The following RAD51B variants were observed in gnomAD, a reference collection of about 807,000 sequenced individuals.
RAD51B encodes RAD51 paralog B.
A neutral mutation model predicts 42.2 loss-of-function variants in RAD51B; 38 were observed. That is an observed-to-expected ratio of 0.90 (90% CI 0.70 to 1.18). The LOEUF (loss-of-function observed/expected upper bound fraction) is 1.18, where lower values mean the gene tolerates loss of function less well. Among genes scored for constraint, RAD51B ranks in the 50% most tolerant of loss-of-function variants. The probability of loss-of-function intolerance (pLI) is 0.00; values close to 1 mark genes in which losing one functional copy is unlikely to be tolerated. For synonymous variants in RAD51B, 154 were observed against 145.2 expected (o/e 1.06, Z -0.43); for missense variants, 373 against 400.7 (o/e 0.93, Z 0.59).
intron 3 of RAD51B, among the ~76,000 whole-genome samples, chr14:67,833,613 T>A (rs1461615741): frequency 1.3e-5 from 2 of 152,168 alleles, no homozygotes; most frequent in Non-Finnish European, 2.9e-5. Context: ...GGCAAAGGGA[T>A]GATTCACATC....
intron 7 of RAD51B, among the ~76,000 whole-genome samples, chr14:68,041,869 T>G (rs1439765199): frequency 6.6e-6 from 1 of 152,206 alleles, no homozygotes; most frequent in African/African-American, 2.4e-5. Flanking sequence ...CATTCTACCT[T>G]GCAGCCATCT....
At chr14:67,870,947 G>A (rs2042507715) in intron 5 of RAD51B, among the ~76,000 whole-genome samples, 1 of 145,956 alleles carries the variant, frequency 6.9e-6, no homozygotes, top group South Asian at 2.2e-4. Flanking sequence ...GTGTGTAGAG[G>A]GAAATTTATA....
Position 68,143,930 on chromosome 14 carries a change from C to T in RAD51B, c.757-147954C>T, listed in dbSNP as rs1303657864. Among the ~76,000 whole-genome samples the T allele has an allele frequency of 3.3e-5, 5 of 152,144 alleles. No homozygotes were observed. The East Asian group carries it at 9.6e-4, about 29-fold the overall frequency. ...CTGATGGCTTTATTTTTTTCTCCCT[C>T]CCTTCATCTTCAGGGATTTTTTTTT... On this transcript the variant is annotated intron_variant, in intron 7 of 10. Transcript: ENST00000471583.
chr14:68,649,179 G>A (rs976094323), intron 10 of RAD51B, among the ~76,000 whole-genome samples: 3 of 152,280 alleles, frequency 2.0e-5, no homozygotes, highest in East Asian at 1.9e-4. Context: ...TCCAAGCTCC[G>A]AGCTCTGAGC....
chr14:68,348,878 G>A (rs1411089252), intron 8 of RAD51B, among the ~76,000 whole-genome samples: 3 of 152,192 alleles, frequency 2.0e-5, no homozygotes, highest in East Asian at 3.8e-4. Context: ...CAGCCTGGGC[G>A]ATACTGACTT....
intron 8 of RAD51B, among the ~76,000 whole-genome samples, chr14:68,307,937 T>C (rs1051128997): frequency 3.3e-5 from 5 of 152,238 alleles, no homozygotes; most frequent in African/African-American, 1.2e-4. Context: ...ACTGTTGTTC[T>C]TGCAACACAA....
intron 7 of RAD51B, among the ~76,000 whole-genome samples, chr14:68,228,544 A>AT (rs1388385777): frequency 5.9e-5 from 9 of 151,638 alleles, no homozygotes; most frequent in South Asian, 2.1e-4. Flanking sequence ...AACATCTTTG[A>AT]TTTTTTTTTA....
rs541201817 is a variant in RAD51B at position 68,352,434 on chromosome 14, C to T, written c.854-58990C>T. The stretch of plus-strand genomic sequence containing the variant: ...AGAAACATGTCTGCTAACTCTTCCA[C>T]CTTACCAATAGGTGGATTCCAAGAG... On this transcript the variant is annotated intron_variant, in intron 8 of 10. Coordinates refer to ENST00000471583, the MANE Select transcript of RAD51B (RefSeq NM_133510.4). Among the ~76,000 whole-genome samples, 5 of 152,348 alleles carry T rather than the reference C, an allele frequency of 3.3e-5. No individual in the cohort carries two copies. In the South Asian group the frequency reaches 1.0e-3, roughly 32 times the overall value.
chr14:68,253,893 A>G (rs7155764), intron 7 of RAD51B, among the ~76,000 whole-genome samples: 30,476 of 152,210 alleles, frequency 0.2, 3,528 homozygotes, highest in Middle Eastern at 0.37. Context: ...TTGGCCTCAA[A>G]TATTATCCTG....
At chr14:68,423,945 T>G (rs1412745873) in intron 9 of RAD51B, among the ~76,000 whole-genome samples, 2 of 152,240 alleles carry the variant, frequency 1.3e-5, no homozygotes, top group Non-Finnish European at 2.9e-5. Flanking sequence ...GTTCTGGTTC[T>G]TCTTCTCTGT....
At chr14:67,968,053 C>T (rs1295202644) in intron 7 of RAD51B, among the ~76,000 whole-genome samples, 10 of 152,252 alleles carry the variant, frequency 6.6e-5, no homozygotes, top group African/African-American at 2.4e-4. Context: ...CCTGCAGGCT[C>T]AACACCACAT....
At chr14:68,389,781 A>C (rs1371940424) in intron 8 of RAD51B, among the ~76,000 whole-genome samples, 2 of 152,216 alleles carry the variant, frequency 1.3e-5, no homozygotes, top group African/African-American at 2.4e-5. Flanking sequence ...TGTAGATTTG[A>C]TCCGTCTCAG....
chr14:68,046,912 A>T (rs949397214), intron 7 of RAD51B, among the ~76,000 whole-genome samples: 5 of 152,138 alleles, frequency 3.3e-5, no homozygotes, highest in African/African-American at 1.2e-4. Flanking sequence ...ATATATTTTT[A>T]AAAATGATTG....
chr14:68,047,177 A>C (rs1452215205), intron 7 of RAD51B, among the ~76,000 whole-genome samples: 2 of 152,116 alleles, frequency 1.3e-5, no homozygotes, highest in Non-Finnish European at 2.9e-5. Flanking sequence ...CTGTTCTTTA[A>C]CACCAGAAAG....
rs138202371 is a variant in RAD51B, at chr14:67,902,129, T to C, written c.756+14925T>C. 1.2e-3 allele frequency among the ~76,000 whole-genome samples: 178 copies of C among 152,282 alleles called. 1 individual carries two copies. The highest frequency in any genetic ancestry group is 4.0e-3 in the African/African-American group (167 of 41,562). On this transcript the variant is annotated intron_variant, in intron 7 of 10. Coordinates refer to ENST00000471583, the MANE Select transcript of RAD51B (RefSeq NM_133510.4). ...AGCTGTGCAATCCTGGACGAGTCAG[T>C]TCTCATTTCTGAGCCTCAGTATCCC...
At chr14:68,000,774 C>T (rs538202141) in intron 7 of RAD51B, among the ~76,000 whole-genome samples, 6 of 152,136 alleles carry the variant, frequency 3.9e-5, no homozygotes, top group Admixed American at 2.0e-4. Context: ...ATGAGAAAAG[C>T]AAAAATCAGA....
intron 10 of RAD51B, among the ~76,000 whole-genome samples, chr14:68,634,410 C>T (rs532841441): frequency 2.2e-4 from 34 of 152,308 alleles, no homozygotes; most frequent in African/African-American, 7.7e-4. Flanking sequence ...TGTGCAAGAA[C>T]GGCAATGCCA....
intron 7 of RAD51B, among the ~76,000 whole-genome samples, chr14:68,096,679 T>C (rs1381312080): frequency 2.0e-5 from 3 of 152,208 alleles, no homozygotes; most frequent in African/African-American, 7.2e-5. Flanking sequence ...GAAACAACGA[T>C]TCATGTTTTT....
intron 10 of RAD51B, chr14:68,563,804 G>C (rs1889277749): frequency 1.0e-6 from 1 of 985,024 alleles, no homozygotes; most frequent in Non-Finnish European, 1.2e-6. Context: ...CGACAGCTCG[G>C]TAATGAGCAG....
Sources: allele counts gnomAD v4.1 joint callset (sites outside exome capture counted in the v4.1 genomes callset), GRCh38; gene constraint gnomAD v4.1.1; transcripts MANE v1.5; gene names NCBI Gene and HGNC (gene_info 2026-07-23, HGNC 2026-07-21).